DGKG: variants seen among roughly 807,000 people sequenced by gnomAD.
DGKG encodes the protein DAG kinase gamma.
DGKG carries 78 observed loss-of-function variants against 105.3 expected under a neutral mutation model. The ratio of observed to expected loss-of-function variants is 0.74; its 90% CI spans 0.62 to 0.89. The LOEUF (loss-of-function observed/expected upper bound fraction) is 0.89, where lower values mean the gene tolerates loss of function less well. DGKG is among the 40% of genes least tolerant of loss of function. DGKG has a pLI of 0.00. For synonymous variants in DGKG, 346 were observed against 367.1 expected, an observed-to-expected ratio of 0.94 and a Z score of 0.66; for missense variants, 958 against 1,020.1, an observed-to-expected ratio of 0.94 and a Z score of 0.83.
At chr3:186,305,045 A>T (rs1192646073) in intron 3 of DGKG, among the ~76,000 whole-genome samples, 1 of 152,252 alleles carries the variant, frequency 6.6e-6, no homozygotes, top group Non-Finnish European at 1.5e-5. Context: ...TTCAGTCCAC[A>T]AATGTTTATT....
Position 186,251,794 on chromosome 3 carries a change from A to G in DGKG, c.1726T>C (p.Tyr576His). 1 of 1,614,200 alleles carries G rather than the reference A, an allele frequency of 6.2e-7. No homozygotes were observed. The highest frequency in any genetic ancestry group is 8.5e-7 in the Non-Finnish European group (1 of 1,180,020). Reference sequence around the variant, plus strand: ...GAGAAATAGTTGTTCATGATGCTGTATGGGACCTGGTCCCCGTTTTCCACT... The same window carrying G: ...GAGAAATAGTTGTTCATGATGCTGTGTGGGACCTGGTCCCCGTTTTCCACT... ...EEVENGDQVP[Y>H]SIMNNYFSIG... Residue 576 changes from tyrosine to histidine, a missense_variant, in exon 19 of 25, where the codon TAC becomes CAC. Physicochemically the swap from Tyr to His is moderately conservative, Grantham distance 83 (BLOSUM62 2). Coordinates refer to ENST00000265022, the MANE Select transcript of DGKG (RefSeq NM_001346.3).
intron 21 of DGKG, among the ~76,000 whole-genome samples, chr3:186,211,134 G>C (rs1166054726): frequency 6.6e-6 from 1 of 152,192 alleles, no homozygotes; most frequent in African/African-American, 2.4e-5. Flanking sequence ...GCACCAACAG[G>C]ATTGGCTACA....
At chr3:186,354,482 A>G (rs1726810057) in intron 1 of DGKG, among the ~76,000 whole-genome samples, 1 of 152,214 alleles carries the variant, frequency 6.6e-6, no homozygotes, top group Non-Finnish European at 1.5e-5. Context: ...ACACACAGAA[A>G]GGAGTGATGG....
chr3:186,359,110 T>C (rs897154015), intron 1 of DGKG, among the ~76,000 whole-genome samples: 1 of 152,140 alleles, frequency 6.6e-6, no homozygotes, highest in African/African-American at 2.4e-5. Flanking sequence ...GGCTTGGTCG[T>C]GTGAGGCCTT....
intron 8 of DGKG, 64 bp downstream of exon 8, chr3:186,280,606 G>T: frequency 7.7e-7 from 1 of 1,298,224 alleles, no homozygotes; most frequent in South Asian, 1.2e-5. Context: ...TTCATGTCTT[G>T]AGTGTGTCCC....
chr3:186,242,664 C>A, intron 19 of DGKG, 96 bp from the exon 20 acceptor site: 1 of 1,040,844 alleles, frequency 9.6e-7, no homozygotes. Flanking sequence ...TGAGTCATGC[C>A]AACCCTGGGA....
intron 6 of DGKG, among the ~76,000 whole-genome samples, chr3:186,288,426 G>A (rs1202889533): frequency 6.6e-6 from 1 of 152,238 alleles, no homozygotes; most frequent in Non-Finnish European, 1.5e-5. Context: ...AAGCAAGGAA[G>A]TCTTGACCAC....
At chr3:186,215,182 AG>A (rs1323764872) in intron 20 of DGKG, among the ~76,000 whole-genome samples, 1 of 152,142 alleles carries the variant, frequency 6.6e-6, no homozygotes, top group African/African-American at 2.4e-5. Flanking sequence ...AGGCAGAGGC[AG>A]GAGGATCACC....
At chr3:186,177,735 A>C (rs1283497474) in intron 22 of DGKG, among the ~76,000 whole-genome samples, 1 of 152,246 alleles carries the variant, frequency 6.6e-6, no homozygotes, top group Non-Finnish European at 1.5e-5. Context: ...ATTTTGGCCC[A>C]GTCACTTAAT....
At chr3:186,185,358 G>A (rs1230274693) in intron 22 of DGKG, among the ~76,000 whole-genome samples, 1 of 152,200 alleles carries the variant, frequency 6.6e-6, no homozygotes, top group Non-Finnish European at 1.5e-5. Context: ...TTGTAGGGGT[G>A]AGAAAGGGGG....
rs1718017367 is a variant in DGKG at position 186,193,647 on chromosome 3, G to A, written c.1918-5268C>T. On this transcript the variant is annotated intron_variant, in intron 21 of 24. Coordinates refer to ENST00000265022, the MANE Select transcript of DGKG (RefSeq NM_001346.3). ...CCCCAGGCCCGCTCTGGACGTGGAA[G>A]GCAGCCGTGCCGTCTGGGAAAGTGG... is the stretch of plus-strand genomic sequence containing the variant. Among the ~76,000 whole-genome samples, 8 of 152,254 alleles carry A rather than the reference G, an allele frequency of 5.3e-5. No homozygotes were observed. The South Asian group carries it at 1.4e-3, about 28-fold the overall frequency.
intron 21 of DGKG, among the ~76,000 whole-genome samples, chr3:186,193,690 T>C (rs1185896649): frequency 1.3e-5 from 2 of 152,282 alleles, no homozygotes; most frequent in African/African-American, 4.8e-5. Flanking sequence ...CCCGGGACGC[T>C]GTCGGCCTAA....
chr3:186,276,582 A>C (rs1722598784), intron 9 of DGKG, among the ~76,000 whole-genome samples: 1 of 152,218 alleles, frequency 6.6e-6, no homozygotes, highest in African/African-American at 2.4e-5. Flanking sequence ...ACAGACAGAG[A>C]AAGGGTTAGA....
intron 1 of DGKG, among the ~76,000 whole-genome samples, chr3:186,332,243 T>C (rs1316069707): frequency 6.6e-6 from 1 of 152,178 alleles, no homozygotes; most frequent in Non-Finnish European, 1.5e-5. Flanking sequence ...CAGAATGGAA[T>C]AGAATGCAAA....
intron 22 of DGKG, among the ~76,000 whole-genome samples, chr3:186,185,192 A>G (rs563144183): frequency 1.3e-5 from 2 of 152,310 alleles, no homozygotes; most frequent in East Asian, 1.9e-4. Context: ...AGCTTTTCCC[A>G]TTAACAACTC....
chr3:186,305,859 A>T (rs994672554), intron 3 of DGKG, among the ~76,000 whole-genome samples: 2 of 152,204 alleles, frequency 1.3e-5, no homozygotes, highest in Admixed American at 6.5e-5. Context: ...TAGAGTTGTC[A>T]TTTACTGAAA....
At chr3:186,249,383 C>T (rs1200776855) in intron 19 of DGKG, among the ~76,000 whole-genome samples, 4 of 152,112 alleles carry the variant, frequency 2.6e-5, no homozygotes, top group Non-Finnish European at 5.9e-5. Context: ...AAGGCAAATC[C>T]CTTAATCTGA....
chr3:186,323,174 ATCT>A (rs1172587787), intron 1 of DGKG, among the ~76,000 whole-genome samples: 1 of 152,166 alleles, frequency 6.6e-6, no homozygotes, highest in African/African-American at 2.4e-5. Flanking sequence ...ATAAGATGTA[ATCT>A]TCTTTTCATG....
At chr3:186,254,228 G>A (rs889999349) in intron 17 of DGKG, among the ~76,000 whole-genome samples, 7 of 152,192 alleles carry the variant, frequency 4.6e-5, no homozygotes, top group African/African-American at 1.7e-4. Context: ...GCGGCGTGAG[G>A]AGAGATGCAG....
Sources: allele counts gnomAD v4.1 joint callset (sites outside exome capture counted in the v4.1 genomes callset), GRCh38; gene constraint gnomAD v4.1.1; transcripts MANE v1.5; gene names NCBI Gene and HGNC (gene_info 2026-07-23, HGNC 2026-07-21).